Variants in FAM117B observed in about 807,000 individuals in gnomAD.
The protein encoded by FAM117B is protein FAM117B.
FAM117B carries 22 observed loss-of-function variants against 52.8 expected under a neutral mutation model. That is an observed-to-expected ratio of 0.42 (90% CI 0.30 to 0.59). FAM117B has a LOEUF of 0.59. FAM117B is among the 20% of genes least tolerant of loss of function. FAM117B has a pLI of 0.22. For synonymous variants in FAM117B, 309 were observed against 324.1 expected (o/e 0.95, Z 0.50); for missense variants, 678 against 802.6 (o/e 0.84, Z 1.88).
chr2:202,670,220 A>G (rs975549627), intron 1 of FAM117B, among the ~76,000 whole-genome samples: 3 of 152,202 alleles, frequency 2.0e-5, no homozygotes, highest in South Asian at 4.1e-4. Flanking sequence ...AGGGGCAAAA[A>G]TGAAAAGAGA....
At position 202,702,787 on chromosome 2, in the gene FAM117B, TC is replaced by T. The variant is rs751314264; in HGVS notation, c.753+6756del. ...CCAGGATGGTCTCGATCTCCTGACC[TC>T]GTGATCCATCTGCCTCGGCCTCCCA... On this transcript the variant is annotated intron_variant, in intron 2 of 7. Transcript: ENST00000392238. Among the ~76,000 whole-genome samples the T allele has an allele frequency of 9.9e-5, 15 of 152,260 alleles. No homozygotes were observed. In the East Asian group the frequency reaches 2.7e-3, roughly 27 times the overall value.
Position 202,635,170 on chromosome 2 carries a change from C to G in FAM117B, c.-18C>G, listed in dbSNP as rs1303715904. 7.9e-7 allele frequency: 1 copy of G among 1,266,506 alleles called. No homozygotes were observed. Among genetic ancestry groups the G allele is most frequent in the South Asian group, 2.7e-5 (1 of 36,890 alleles). 78.5% of individuals were successfully genotyped at this position (1,266,506 alleles called of 1,614,324 possible). Reference sequence around the variant, plus strand: ...CAAAACCCCCCGTCTCGCCCAGTCACCGGGGAGGGGGGGGACCATGTCCCA... The same window carrying G: ...CAAAACCCCCCGTCTCGCCCAGTCAGCGGGGAGGGGGGGGACCATGTCCCA... On this transcript the variant is annotated 5_prime_UTR_variant, in exon 1 of 8. Transcript: ENST00000392238.
At chr2:202,687,354 C>A (rs1690557466) in intron 1 of FAM117B, among the ~76,000 whole-genome samples, 1 of 152,116 alleles carries the variant, frequency 6.6e-6, no homozygotes, top group African/African-American at 2.4e-5. Flanking sequence ...TGTTCTAAAT[C>A]TTGATGGTAG....
chr2:202,731,732 CT>C (rs1324256260), intron 4 of FAM117B, among the ~76,000 whole-genome samples: 1 of 146,172 alleles, frequency 6.8e-6, no homozygotes, highest in Non-Finnish European at 1.5e-5. Context: ...ACCCAGCCTA[CT>C]TTTTTTTGTT....
intron 2 of FAM117B, among the ~76,000 whole-genome samples, chr2:202,709,763 G>A (rs773897010): frequency 2.0e-5 from 3 of 152,024 alleles, no homozygotes; most frequent in Non-Finnish European, 4.4e-5. Flanking sequence ...TTATTTCTAG[G>A]AGTTTTATAG....
chr2:202,667,859 A>G (rs1690228993), intron 1 of FAM117B, among the ~76,000 whole-genome samples: 2 of 152,012 alleles, frequency 1.3e-5, no homozygotes, highest in Non-Finnish European at 2.9e-5. Context: ...TGGCTGAACC[A>G]CAGAAAAGAG....
At chr2:202,743,208 C>G (rs1039560874) in intron 4 of FAM117B, among the ~76,000 whole-genome samples, 3 of 152,188 alleles carry the variant, frequency 2.0e-5, no homozygotes, top group African/African-American at 7.2e-5. Flanking sequence ...GCTAGTATTC[C>G]TGTACCCTGC....
At chr2:202,683,423 A>T (rs1254289647) in intron 1 of FAM117B, among the ~76,000 whole-genome samples, 1 of 152,238 alleles carries the variant, frequency 6.6e-6, no homozygotes, top group Non-Finnish European at 1.5e-5. Flanking sequence ...AATAAAATTG[A>T]TAAACCTTTA....
At chr2:202,738,065 T>G (rs1691469468) in intron 4 of FAM117B, among the ~76,000 whole-genome samples, 1 of 152,204 alleles carries the variant, frequency 6.6e-6, no homozygotes, top group African/African-American at 2.4e-5. Flanking sequence ...TGTATCCTGT[T>G]TGGTGAAGTG....
At chr2:202,748,215 G>A (rs1691664558) in intron 4 of FAM117B, among the ~76,000 whole-genome samples, 1 of 152,048 alleles carries the variant, frequency 6.6e-6, no homozygotes, top group Non-Finnish European at 1.5e-5. Flanking sequence ...AATAGTGCTG[G>A]GAAAACTGAT....
At chr2:202,636,048 C>T (rs1289243039) in intron 1 of FAM117B, among the ~76,000 whole-genome samples, 1 of 143,590 alleles carries the variant, frequency 7.0e-6, no homozygotes, top group Non-Finnish European at 1.5e-5. Flanking sequence ...GGTGCAGCGG[C>T]TAAACCTTGG....
chr2:202,762,505 G>T (rs1691905970), intron 7 of FAM117B, among the ~76,000 whole-genome samples: 1 of 152,132 alleles, frequency 6.6e-6, no homozygotes, highest in Admixed American at 6.5e-5. Flanking sequence ...TTGCAATATA[G>T]AGGCATTTTT....
chr2:202,691,649 T>TTGTGTGTGTGTG (rs199855927), intron 1 of FAM117B, among the ~76,000 whole-genome samples: 17 of 126,864 alleles, frequency 1.3e-4, no homozygotes, highest in Non-Finnish European at 1.9e-4. Flanking sequence ...CCAGTTTACA[T>TTGTGTGTGTGTG]TGTGTGTGTG....
At chr2:202,679,786 C>A (rs549097777) in intron 1 of FAM117B, among the ~76,000 whole-genome samples, 2 of 152,220 alleles carry the variant, frequency 1.3e-5, no homozygotes, top group Non-Finnish European at 2.9e-5. Flanking sequence ...ATAACAAAAT[C>A]CCGATACTTA....
intron 7 of FAM117B, 71 bp downstream of exon 7, chr2:202,759,424 C>T (rs1410679162): frequency 6.4e-7 from 1 of 1,561,988 alleles, no homozygotes. Context: ...GGATCTCACT[C>T]TGTCATCTAG....
intron 1 of FAM117B, among the ~76,000 whole-genome samples, chr2:202,673,166 G>C (rs1288023578): frequency 6.6e-6 from 1 of 152,134 alleles, no homozygotes; most frequent in African/African-American, 2.4e-5. Context: ...ACATATTTTT[G>C]GTTGCAAGTG....
intron 1 of FAM117B, among the ~76,000 whole-genome samples, chr2:202,644,066 T>TG (rs1283197514): frequency 9.5e-5 from 8 of 84,590 alleles, no homozygotes; most frequent in Admixed American, 8.2e-4. Flanking sequence ...TTTTTTTTGT[T>TG]TTTTTTTTTT....
intron 1 of FAM117B, among the ~76,000 whole-genome samples, chr2:202,667,035 TA>T (rs1690216274): frequency 6.6e-6 from 1 of 152,144 alleles, no homozygotes; most frequent in Admixed American, 6.5e-5. Flanking sequence ...TTAAAGAGTT[TA>T]AAAATAGAGT....
At chr2:202,695,400 C>T (rs148716260) in intron 1 of FAM117B, among the ~76,000 whole-genome samples, 41 of 152,204 alleles carry the variant, frequency 2.7e-4, no homozygotes, top group African/African-American at 7.9e-4. Flanking sequence ...TGCTATCTCG[C>T]ATCCCCCACC....
Sources: gnomAD v4.1 joint callset for allele counts (sites outside exome capture counted in the v4.1 genomes callset) on GRCh38, gnomAD v4.1.1 for gene constraint, MANE v1.5 for transcripts, NCBI Gene and HGNC (gene_info 2026-07-23, HGNC 2026-07-21) for gene names.